The following PTBP3 variants were observed in gnomAD, a reference collection of about 807,000 sequenced individuals.
PTBP3 encodes polypyrimidine tract-binding protein 3.
PTBP3 carries 20 observed loss-of-function variants against 58.7 expected under a neutral mutation model. That is an observed-to-expected ratio of 0.34 (90% confidence interval 0.24 to 0.50). The LOEUF is 0.50. Ranked by LOEUF, PTBP3 falls within the 20% of genes least tolerant of loss-of-function variation. The probability of loss-of-function intolerance (pLI) is 0.98; values close to 1 mark genes in which losing one functional copy is unlikely to be tolerated. For synonymous variants in PTBP3, 185 were observed against 219.8 expected, an observed-to-expected ratio of 0.84 and a Z score of 1.40; for missense variants, 509 against 637.2, an observed-to-expected ratio of 0.80 and a Z score of 2.17.
intron 4 of PTBP3, 44 bp from the exon 5 acceptor site, chr9:112,262,643 A>G (rs969823927): frequency 1.3e-6 from 2 of 1,484,368 alleles, no homozygotes; most frequent in Middle Eastern, 1.8e-4. Flanking sequence ...ATACAGACGC[A>G]TTATATGAAT....
chr9:112,365,927 T>C, the PTBP3 span, among the ~76,000 whole-genome samples: 2 of 152,198 alleles, frequency 1.3e-5, no homozygotes, highest in East Asian at 1.9e-4. Context: ...GTTCTGAAAA[T>C]TTGCAGCGTG....
chr9:112,348,896 C>A, the PTBP3 span, among the ~76,000 whole-genome samples: 1 of 152,196 alleles, frequency 6.6e-6, no homozygotes, highest in Non-Finnish European at 1.5e-5. Flanking sequence ...AAACTCCACT[C>A]ACGGGTTGAG....
At chr9:112,265,850 T>TA (rs973023900) in intron 4 of PTBP3, among the ~76,000 whole-genome samples, 9 of 151,534 alleles carry the variant, frequency 5.9e-5, no homozygotes, top group East Asian at 1.9e-4. Flanking sequence ...TCTCTTGGAG[T>TA]AAAAAAAAGA....
chr9:112,223,704 A>C lies in PTBP3; in HGVS notation c.*147T>G, dbSNP rs1564383776. On this transcript the variant is annotated 3_prime_UTR_variant, in exon 14 of 14. Coordinates refer to ENST00000374257, the MANE Select transcript of PTBP3 (RefSeq NM_001163788.4). ...GGCAGGGGGAATACAAAAAAAAAAAATCCCTTGATTTTTAAAATATACTTG... is the reference window on the plus strand; with the variant it reads ...GGCAGGGGGAATACAAAAAAAAAAACTCCCTTGATTTTTAAAATATACTTG... 1.6e-6 allele frequency: 2 copies of C among 1,283,722 alleles called. No individual in the cohort carries two copies. Among genetic ancestry groups the C allele is most frequent in the Non-Finnish European group, 2.0e-6 (2 of 1,000,192 alleles). 79.5% of individuals were successfully genotyped at this position (1,283,722 alleles called of 1,614,324 possible).
At chr9:112,228,615 A>T in intron 10 of PTBP3, 143 bp from the exon 11 acceptor site, 1 of 549,294 alleles carries the variant, frequency 1.8e-6, no homozygotes, top group Non-Finnish European at 3.2e-6. Context: ...TCTCTTCCAA[A>T]GTTCCAGATC....
chr9:112,325,599 TA>T (rs56025050), intron 1 of PTBP3, among the ~76,000 whole-genome samples: 173 of 144,500 alleles, frequency 1.2e-3, no homozygotes, highest in African/African-American at 3.5e-3. Flanking sequence ...TCACAGAAAT[TA>T]AAAAAAAAAA....
At position 112,222,956 on chromosome 9, in the gene PTBP3, T is replaced by C. The variant is rs1300987744; in HGVS notation, c.*895A>G. The C allele has an allele frequency of 2.3e-6, 2 of 854,434 alleles. No homozygotes were observed. The highest frequency in any genetic ancestry group is 2.8e-6 in the Non-Finnish European group (2 of 710,516). The allele number at this position is 854,434 out of a possible 1,614,324, so 52.9% of individuals were successfully genotyped here. A position where few individuals can be genotyped will look rare whatever the true frequency, so the allele number is the denominator to read the frequency against. On this transcript the variant is annotated 3_prime_UTR_variant, in exon 14 of 14. Coordinates refer to ENST00000374257, the MANE Select transcript of PTBP3 (RefSeq NM_001163788.4). Reference sequence around the variant, plus strand: ...CAAACCATATGATAGACCTGAATATTTTCCTTAAGACTGTAAACTTTTTTT... The same window carrying C: ...CAAACCATATGATAGACCTGAATATCTTCCTTAAGACTGTAAACTTTTTTT...
chr9:112,297,958 A>G (rs1341717478), intron 1 of PTBP3, 42 bp from the exon 2 acceptor site: 1 of 1,454,758 alleles, frequency 6.9e-7, no homozygotes. Flanking sequence ...ACCAAGTTTT[A>G]GATAATGGTC....
At chr9:112,287,218 TG>T (rs1368881240) in intron 2 of PTBP3, among the ~76,000 whole-genome samples, 1 of 152,110 alleles carries the variant, frequency 6.6e-6, no homozygotes, top group East Asian at 1.9e-4. Context: ...TTTCTTGAGA[TG>T]TATTTCTGCT....
intron 7 of PTBP3, among the ~76,000 whole-genome samples, chr9:112,244,462 C>A (rs969095721): frequency 2.0e-5 from 3 of 151,558 alleles, no homozygotes; most frequent in African/African-American, 7.3e-5. Flanking sequence ...TCACTTGAGA[C>A]CAGGAGTTTT....
intron 2 of PTBP3, among the ~76,000 whole-genome samples, chr9:112,287,402 C>G (rs185242519): frequency 7.9e-6 from 1 of 127,076 alleles, no homozygotes; most frequent in Admixed American, 1.0e-4. Flanking sequence ...TGAAGTGGTA[C>G]GATCTCGGCT....
intron 7 of PTBP3, among the ~76,000 whole-genome samples, chr9:112,241,369 G>A (rs1342134314): frequency 6.6e-6 from 1 of 152,182 alleles, no homozygotes; most frequent in Non-Finnish European, 1.5e-5. Flanking sequence ...CTCCCAAAGT[G>A]CTGGGATTAC....
At chr9:112,271,119 GCT>G (rs1827367078) in intron 3 of PTBP3, among the ~76,000 whole-genome samples, 1 of 152,106 alleles carries the variant, frequency 6.6e-6, no homozygotes, top group Admixed American at 6.6e-5. Flanking sequence ...GAGCCACCAT[GCT>G]CAGCTTTAGG....
intron 1 of PTBP3, among the ~76,000 whole-genome samples, chr9:112,314,107 A>G (rs1051172170): frequency 6.6e-6 from 1 of 152,226 alleles, no homozygotes; most frequent in Non-Finnish European, 1.5e-5. Context: ...ATATGCAAAT[A>G]CTGCTCTCTT....
At chr9:112,374,144 T>C in the PTBP3 span, among the ~76,000 whole-genome samples, 4 of 152,174 alleles carry the variant, frequency 2.6e-5, no homozygotes, top group Non-Finnish European at 5.9e-5. Flanking sequence ...TGTGGAGTAG[T>C]AGACTGATTT....
the PTBP3 span, among the ~76,000 whole-genome samples, chr9:112,355,145 G>A: frequency 6.6e-6 from 1 of 152,174 alleles, no homozygotes; most frequent in South Asian, 2.1e-4. Flanking sequence ...ATTCAGACCT[G>A]AGAAAATGCT....
At chr9:112,233,661 G>A (rs1835335771) in intron 8 of PTBP3, among the ~76,000 whole-genome samples, 1 of 152,098 alleles carries the variant, frequency 6.6e-6, no homozygotes, top group African/African-American at 2.4e-5. Flanking sequence ...GCCAGGTGCA[G>A]TGGCTCACCC....
intron 7 of PTBP3, among the ~76,000 whole-genome samples, chr9:112,235,363 A>C (rs1192454600): frequency 6.6e-6 from 1 of 151,998 alleles, no homozygotes; most frequent in African/African-American, 2.4e-5. Context: ...TGGAGTAAGA[A>C]GTGATCACAG....
chr9:112,376,252 GT>G, the PTBP3 span, among the ~76,000 whole-genome samples: 17 of 75,006 alleles, frequency 2.3e-4, no homozygotes, highest in Non-Finnish European at 3.8e-4. Context: ...AGTTTATTAA[GT>G]TTTTTTTTTT....
Sources: gnomAD v4.1 joint callset for allele counts (sites outside exome capture counted in the v4.1 genomes callset) on GRCh38, gnomAD v4.1.1 for gene constraint, MANE v1.5 for transcripts, NCBI Gene and HGNC (gene_info 2026-07-23, HGNC 2026-07-21) for gene names.